Variants in ITGA11 observed in about 807,000 individuals in gnomAD.
ITGA11 encodes integrin subunit alpha 11, also known as integrin alpha-11.
ITGA11 carries 97 observed loss-of-function variants against 141.9 expected under a neutral mutation model. The observed-to-expected ratio is 0.68, with a 90% CI of 0.58 to 0.81. ITGA11 has a LOEUF of 0.81. Ranked by LOEUF, ITGA11 falls within the 30% of genes least tolerant of loss-of-function variation. ITGA11 has a pLI of 0.00. For missense variants in ITGA11, 1,387 were observed against 1,559.2 expected (o/e 0.89, Z 1.86); for synonymous variants, 658 against 624.6 (o/e 1.05, Z -0.80).
chr15:68,399,442 C>G (rs1481609056), intron 2 of ITGA11, among the ~76,000 whole-genome samples: 1 of 152,114 alleles, frequency 6.6e-6, no homozygotes, highest in Non-Finnish European at 1.5e-5. Context: ...TTTGACCCAG[C>G]AATCCCAATT....
chr15:68,374,914 G>A (rs969490880), intron 2 of ITGA11, among the ~76,000 whole-genome samples: 2 of 152,184 alleles, frequency 1.3e-5, no homozygotes, highest in Non-Finnish European at 2.9e-5. Context: ...CAATTTAATT[G>A]CACTTGATTT....
intron 2 of ITGA11, among the ~76,000 whole-genome samples, chr15:68,387,327 T>C (rs1033881488): frequency 6.6e-6 from 1 of 152,142 alleles, no homozygotes; most frequent in Non-Finnish European, 1.5e-5. Context: ...TGCCTCTGCC[T>C]GCTGTAACCA....
rs2140309300 is a variant in ITGA11, at chr15:68,335,596, G to T, written c.1425+101C>A. The T allele has an allele frequency of 1.5e-6, 2 of 1,364,866 alleles. No homozygotes were observed. Among genetic ancestry groups the T allele is most frequent in the East Asian group, 5.0e-5 (2 of 40,152 alleles). 84.5% of individuals were successfully genotyped at this position (1,364,866 alleles called of 1,614,324 possible). Reference sequence around the variant, plus strand: ...GCTGGAGGAACATGACTGCCCTTTGGGGCACCCAGTGGTCCAGGCATGCCT... The same window carrying T: ...GCTGGAGGAACATGACTGCCCTTTGTGGCACCCAGTGGTCCAGGCATGCCT... On this transcript the variant is annotated intron_variant, in intron 12 of 29. Transcript: ENST00000315757. This position sits in a 1 kb window ranked among gnomAD's most constrained non-coding sequence, Gnocchi z 4.9.
At chr15:68,406,379 AC>A (rs1258956075) in intron 1 of ITGA11, among the ~76,000 whole-genome samples, 1 of 151,852 alleles carries the variant, frequency 6.6e-6, no homozygotes, top group Non-Finnish European at 1.5e-5. Context: ...AGCCATACTG[AC>A]CCTCTCGCTG....
At position 68,322,584 on chromosome 15, in the gene ITGA11, T is replaced by C. The variant is rs1156487523; in HGVS notation, c.2323-1081A>G. Among the ~76,000 whole-genome samples the C allele has an allele frequency of 6.6e-6, 1 of 151,990 alleles. No homozygotes were observed. Among genetic ancestry groups the C allele is most frequent in the Non-Finnish European group, 1.5e-5 (1 of 67,978 alleles). Reference sequence around the variant, plus strand: ...GGCATTTGGTAATAAAAGCAGGGGTTGGCTGGGCGTGGTGGCTCACACCTG... The same window carrying C: ...GGCATTTGGTAATAAAAGCAGGGGTCGGCTGGGCGTGGTGGCTCACACCTG... On this transcript the variant is annotated intron_variant, in intron 18 of 29. Coordinates refer to ENST00000315757, the MANE Select transcript of ITGA11 (RefSeq NM_001004439.2). This position sits in a 1 kb window ranked among gnomAD's most constrained non-coding sequence, Gnocchi z 5.6.
Position 68,325,135 on chromosome 15 carries a change from ACT to A in ITGA11, c.2316_2317del (p.Arg772SerfsTer11), listed in dbSNP as rs1213303392. 1 of 1,612,258 alleles carries A rather than the reference ACT, an allele frequency of 6.2e-7. No individual in the cohort carries two copies. The highest frequency in any genetic ancestry group is 8.5e-7 in the Non-Finnish European group (1 of 1,178,760). ...GTGCCCTGTACCGAGATGTACCGAG[ACT>A]CTGAGAGTGGTGGGCCAGCCGTCGT... On this transcript the variant is annotated frameshift_variant, in exon 18 of 30. Coordinates refer to ENST00000315757, the MANE Select transcript of ITGA11 (RefSeq NM_001004439.2). LOFTEE classifies it high-confidence loss of function. The surrounding 1 kb of genome is among the most constrained non-coding windows in gnomAD (Gnocchi z 5.5).
rs779544386 is a variant in ITGA11, at chr15:68,307,457, G to A, written c.3286-14C>T. 1 of 1,552,316 alleles carries A rather than the reference G, an allele frequency of 6.4e-7. No homozygotes were observed. The highest frequency in any genetic ancestry group is 1.2e-5 in the South Asian group (1 of 84,318). ...TTTGTACTTGAGCTGTGCAATCAGA[G>A]GGCTCGTCAGAAGCTGGCTTGGAAG... On this transcript the variant is annotated splice_polypyrimidine_tract_variant and intron_variant, in intron 27 of 29. Transcript: ENST00000315757. This position sits in a 1 kb window ranked among gnomAD's most constrained non-coding sequence, Gnocchi z 6.1.
chr15:68,357,956 TTC>T, intron 6 of ITGA11, among the ~76,000 whole-genome samples: 1 of 152,192 alleles, frequency 6.6e-6, no homozygotes, highest in Admixed American at 6.5e-5. Context: ...TACAAATAAT[TTC>T]TTAGATTGAC....
At chr15:68,403,108 A>G in intron 1 of ITGA11, 79 bp from the exon 2 acceptor site, 1 of 944,168 alleles carries the variant, frequency 1.1e-6, no homozygotes, top group Non-Finnish European at 1.7e-6. Context: ...GTCAGGACCC[A>G]TTGGCAGGTC....
chr15:68,377,333 G>A (rs951112066), intron 2 of ITGA11, among the ~76,000 whole-genome samples: 9 of 152,014 alleles, frequency 5.9e-5, no homozygotes, highest in South Asian at 2.1e-4. Context: ...GTGCAGTGGT[G>A]GGATCTCAGC....
intron 2 of ITGA11, among the ~76,000 whole-genome samples, chr15:68,382,227 T>C (rs1595885563): frequency 6.6e-6 from 1 of 152,180 alleles, no homozygotes; most frequent in East Asian, 1.9e-4. Context: ...TTTTTGGAAA[T>C]GTCCTCCTCC....
At chr15:68,424,491 C>T (rs1422306251) in intron 1 of ITGA11, among the ~76,000 whole-genome samples, 1 of 152,076 alleles carries the variant, frequency 6.6e-6, no homozygotes, top group Non-Finnish European at 1.5e-5. Flanking sequence ...CTGCTGGGCC[C>T]CAATGTGGAG....
In ITGA11 at chr15:68,300,811, C is replaced by T; in HGVS notation, c.*2248G>A. On this transcript the variant is annotated 3_prime_UTR_variant, in exon 30 of 30. Coordinates refer to ENST00000315757, the MANE Select transcript of ITGA11 (RefSeq NM_001004439.2). ...TGACCTCTGGGCTGCATCTGACCAG[C>T]AGGTACATTCTGTTTGGCCTGCAGT... 1 of 152,132 alleles carries T rather than the reference C, an allele frequency of 6.6e-6. No individual in the cohort carries two copies. The highest frequency in any genetic ancestry group is 1.9e-4 in the East Asian group (1 of 5,194). The allele number at this position is 152,132 out of a possible 1,614,324, so 9.4% of individuals were successfully genotyped here. A position where few individuals can be genotyped will look rare whatever the true frequency, so the allele number is the denominator to read the frequency against.
At chr15:68,398,383 CA>C (rs1466754803) in intron 2 of ITGA11, among the ~76,000 whole-genome samples, 2 of 151,274 alleles carry the variant, frequency 1.3e-5, no homozygotes, top group African/African-American at 4.9e-5. Context: ...TTTAAACCAA[CA>C]AAGATCAAAA....
At position 68,402,847 on chromosome 15, in the gene ITGA11, A is replaced by G. The variant is rs982253970; in HGVS notation, c.164+71T>C. The G allele has an allele frequency of 2.9e-6, 3 of 1,049,266 alleles. No individual in the cohort carries two copies. The African/African-American group carries it at 4.7e-5, about 16-fold the overall frequency. The allele number at this position is 1,049,266 out of a possible 1,614,324, so 65.0% of individuals were successfully genotyped here. ...AGGGCCAGTGGGGCAGCCACAGGGC[A>G]CAGGGGCAGGATGGAGGGGGCTGGG... is the stretch of plus-strand genomic sequence containing the variant. On this transcript the variant is annotated intron_variant, in intron 2 of 29. Coordinates refer to ENST00000315757, the MANE Select transcript of ITGA11 (RefSeq NM_001004439.2).
chr15:68,316,839 C>A (rs1893597047), intron 21 of ITGA11, among the ~76,000 whole-genome samples: 1 of 152,232 alleles, frequency 6.6e-6, no homozygotes, highest in South Asian at 2.1e-4. Context: ...CTTTGCTTCT[C>A]CCTTCACATA....
At chr15:68,336,032 G>T in intron 11 of ITGA11, 187 bp from the exon 12 acceptor site, 1 of 677,690 alleles carries the variant, frequency 1.5e-6, no homozygotes, top group Non-Finnish European at 2.5e-6. Flanking sequence ...GAAGAGGCAG[G>T]ACCCAGGAAG....
chr15:68,327,954 G>T (rs1490123588), intron 16 of ITGA11, 142 bp downstream of exon 16: 5 of 736,410 alleles, frequency 6.8e-6, no homozygotes, highest in African/African-American at 1.8e-5. Flanking sequence ...GCATCAAATG[G>T]GATCCAGTAG....
chr15:68,400,917 T>TAATATTATATATTATATAATA (rs1896490080), intron 2 of ITGA11, among the ~76,000 whole-genome samples: 3 of 46,820 alleles, frequency 6.4e-5, no homozygotes, highest in African/African-American at 3.3e-4. Flanking sequence ...ATATAATAAA[T>TAATATTATATATTATATAATA]ATTATAATAT....
Sources: allele counts gnomAD v4.1 joint callset (sites outside exome capture counted in the v4.1 genomes callset), GRCh38; gene constraint gnomAD v4.1.1; non-coding constraint Gnocchi (gnomAD v3.1); transcripts MANE v1.5; gene names NCBI Gene and HGNC (gene_info 2026-07-23, HGNC 2026-07-21).